Variants in ASXL3 observed in about 807,000 individuals in gnomAD.
ASXL3 encodes putative Polycomb group protein ASXL3.
Under a neutral mutation model 170.6 loss-of-function variants are expected in ASXL3, and 34 were observed. That is an observed-to-expected ratio of 0.20 (90% CI 0.15 to 0.27). The LOEUF is 0.27. Among genes scored for constraint, ASXL3 ranks in the 10% least tolerant of loss-of-function variants. The pLI is 1.00. For synonymous variants in ASXL3, 1,002 were observed against 989.1 expected (o/e 1.01, Z -0.24); for missense variants, 2,592 against 2,695.3 (o/e 0.96, Z 0.85).
At chr18:33,639,793 C>T (rs1310437180) in intron 2 of ASXL3, among the ~76,000 whole-genome samples, 1 of 152,100 alleles carries the variant, frequency 6.6e-6, no homozygotes, top group African/African-American at 2.4e-5. Flanking sequence ...TATGTCTCTA[C>T]TTGTTGTACA....
At chr18:33,727,680 C>T (rs1203973008) in intron 8 of ASXL3, among the ~76,000 whole-genome samples, 1 of 152,102 alleles carries the variant, frequency 6.6e-6, no homozygotes, top group African/African-American at 2.4e-5. Context: ...TCTATTTTGG[C>T]TAATCAGGAA....
chr18:33,666,563 A>G (rs906405107), intron 5 of ASXL3, among the ~76,000 whole-genome samples: 3 of 152,218 alleles, frequency 2.0e-5, no homozygotes, highest in African/African-American at 7.2e-5. Context: ...GCTGTGAGAT[A>G]CCCAAATATA....
chr18:33,746,824 C>T lies in ASXL3; in HGVS notation c.*229C>T. The T allele has an allele frequency of 1.6e-6, 1 of 632,714 alleles. No homozygotes were observed. The highest frequency in any genetic ancestry group is 2.4e-6 in the Non-Finnish European group (1 of 414,816). The allele number at this position is 632,714 out of a possible 1,614,324, so 39.2% of individuals were successfully genotyped here. ...TTATGTGTTCAGTTGCCATTCCTAG[C>T]TTTGGAAAGTTTCTATCTGTCCATG... On this transcript the variant is annotated 3_prime_UTR_variant, in exon 12 of 12. Coordinates refer to ENST00000269197, the MANE Select transcript of ASXL3 (RefSeq NM_030632.3).
chr18:33,660,117 T>C (rs977957285), intron 4 of ASXL3, among the ~76,000 whole-genome samples: 3 of 152,154 alleles, frequency 2.0e-5, no homozygotes, highest in African/African-American at 7.2e-5. Context: ...ATCCCATCTC[T>C]GCAGTTTCAT....
chr18:33,643,200 A>G (rs2065870896), intron 2 of ASXL3, among the ~76,000 whole-genome samples: 1 of 151,932 alleles, frequency 6.6e-6, no homozygotes, highest in African/African-American at 2.4e-5. Context: ...TCTGAAGAAT[A>G]TAATGTAAAA....
At chr18:33,700,751 T>C (rs529544776) in intron 8 of ASXL3, among the ~76,000 whole-genome samples, 74 of 152,074 alleles carry the variant, frequency 4.9e-4, no homozygotes, top group Non-Finnish European at 9.7e-4. Flanking sequence ...CCACTATAGA[T>C]TGAGCTTTAG....
chr18:33,672,503 CAAAA>C (rs1161980898), intron 7 of ASXL3, among the ~76,000 whole-genome samples: 3 of 152,130 alleles, frequency 2.0e-5, no homozygotes, highest in Non-Finnish European at 4.4e-5. Flanking sequence ...ATTAGAAAGA[CAAAA>C]ATAAACATAT....
intron 9 of ASXL3, 120 bp from the exon 10 acceptor site, chr18:33,734,187 CATT>C (rs1482491496): frequency 1.2e-5 from 6 of 519,134 alleles, no homozygotes. Context: ...GAAATGTTAT[CATT>C]ATTTGTCCTT....
rs936853167 is a variant in ASXL3 at position 33,663,160 on chromosome 18, C to T, written c.477+1423C>T. Among the ~76,000 whole-genome samples, 5 of 152,054 alleles carry T rather than the reference C, an allele frequency of 3.3e-5. 1 individual carries two copies. The highest frequency in any genetic ancestry group is 7.4e-5 in the Non-Finnish European group (5 of 67,986). Reference sequence around the variant, plus strand: ...TTTTAATTGATGAAATAAAAAACAGCTGTAGGTAGCAAAGCCTGGGCTACT... The same window carrying T: ...TTTTAATTGATGAAATAAAAAACAGTTGTAGGTAGCAAAGCCTGGGCTACT... On this transcript the variant is annotated intron_variant, in intron 5 of 11. Coordinates refer to ENST00000269197, the MANE Select transcript of ASXL3 (RefSeq NM_030632.3).
chr18:33,588,582 C>T (rs1431122543), intron 1 of ASXL3, among the ~76,000 whole-genome samples: 1 of 151,994 alleles, frequency 6.6e-6, no homozygotes, highest in African/African-American at 2.4e-5. Flanking sequence ...TGCCATTGTT[C>T]CCAGTGTGTC....
intron 2 of ASXL3, among the ~76,000 whole-genome samples, chr18:33,624,761 C>T (rs1461789473): frequency 6.6e-6 from 1 of 152,094 alleles, no homozygotes; most frequent in Non-Finnish European, 1.5e-5. Context: ...AACCAATTTG[C>T]TGTCTCTTAG....
chr18:33,639,885 G>A (rs553156595), intron 2 of ASXL3, among the ~76,000 whole-genome samples: 3 of 152,242 alleles, frequency 2.0e-5, no homozygotes, highest in East Asian at 1.9e-4. Context: ...GAATTAAAGT[G>A]TACAACATAT....
At chr18:33,592,503 C>T (rs1447283679) in intron 1 of ASXL3, among the ~76,000 whole-genome samples, 1 of 151,994 alleles carries the variant, frequency 6.6e-6, no homozygotes, top group East Asian at 1.9e-4. Context: ...CTATTTTATT[C>T]ACTTTATTTC....
At chr18:33,665,833 A>G (rs1277634899) in intron 5 of ASXL3, among the ~76,000 whole-genome samples, 1 of 152,032 alleles carries the variant, frequency 6.6e-6, no homozygotes, top group African/African-American at 2.4e-5. Context: ...GCATCTTTTG[A>G]TTTCTTTCCT....
At chr18:33,733,575 G>GTT (rs2067489264) in intron 9 of ASXL3, among the ~76,000 whole-genome samples, 1 of 152,080 alleles carries the variant, frequency 6.6e-6, no homozygotes, top group Non-Finnish European at 1.5e-5. Context: ...TGTCAGACCT[G>GTT]TTTTTCTACA....
intron 1 of ASXL3, among the ~76,000 whole-genome samples, chr18:33,584,282 G>A (rs185746173): frequency 2.0e-5 from 3 of 152,176 alleles, no homozygotes; most frequent in African/African-American, 7.2e-5. Context: ...TAGGCACTGG[G>A]ACAGAATTGA....
intron 2 of ASXL3, among the ~76,000 whole-genome samples, chr18:33,619,446 GA>G (rs56663499): frequency 0.12 from 16,749 of 139,612 alleles, 1,395 homozygotes; most frequent in African/African-American, 0.25. Flanking sequence ...TTTGAAGACT[GA>G]AAAAAAAAAA....
At chr18:33,594,919 T>C (rs1599377336) in intron 1 of ASXL3, among the ~76,000 whole-genome samples, 1 of 152,078 alleles carries the variant, frequency 6.6e-6, no homozygotes, top group African/African-American at 2.4e-5. Context: ...TACATCATAA[T>C]TGAGTATAGT....
At chr18:33,667,977 C>T (rs1196874208) in intron 5 of ASXL3, among the ~76,000 whole-genome samples, 1 of 152,118 alleles carries the variant, frequency 6.6e-6, no homozygotes, top group Non-Finnish European at 1.5e-5. Flanking sequence ...GTAAGGTAAA[C>T]TCTGCTAACC....
Sources: gnomAD v4.1 joint callset for allele counts (sites outside exome capture counted in the v4.1 genomes callset) on GRCh38, gnomAD v4.1.1 for gene constraint, MANE v1.5 for transcripts, NCBI Gene and HGNC (gene_info 2026-07-23, HGNC 2026-07-21) for gene names.